Variants in SLC11A2 observed in about 807,000 individuals in gnomAD.
SLC11A2 encodes natural resistance-associated macrophage protein 2.
Under a neutral mutation model 68.0 loss-of-function variants are expected in SLC11A2, and 38 were observed. That is an observed-to-expected ratio of 0.56 (90% CI 0.43 to 0.73). The LOEUF (loss-of-function observed/expected upper bound fraction) is 0.73. Among genes scored for constraint, SLC11A2 ranks in the 30% least tolerant of loss-of-function variants. The pLI is 0.00. For synonymous variants in SLC11A2, 242 were observed against 250.6 expected (o/e 0.97, Z 0.32); for missense variants, 517 against 690.5 (o/e 0.75, Z 2.82).
chr12:51,008,311 GT>G, intron 3 of SLC11A2, 164 bp downstream of exon 3: 1 of 600,416 alleles, frequency 1.7e-6, no homozygotes, highest in Non-Finnish European at 3.0e-6. Context: ...GGGTGTGTGT[GT>G]GTGTGTGTGT....
the SLC11A2 span, among the ~76,000 whole-genome samples, chr12:50,963,509 C>G: frequency 2.0e-5 from 3 of 152,086 alleles, no homozygotes; most frequent in Non-Finnish European, 2.9e-5. Context: ...CTCCAAGCCT[C>G]CACATTCACT....
downstream of SLC11A2, among the ~76,000 whole-genome samples, chr12:50,984,912 A>G (rs1229611110): frequency 6.6e-6 from 1 of 152,168 alleles, no homozygotes; most frequent in Non-Finnish European, 1.5e-5. Flanking sequence ...TATACTATAT[A>G]TTACACAGGA....
rs1419140880 is a variant in SLC11A2 at position 50,988,259 on chromosome 12, C to A, written c.*66G>T. Reference sequence around the variant, plus strand: ...AACGGCACATACTTTTGGCTATGTTCACACAGTAAACCATAGAAACACACT... The same window carrying A: ...AACGGCACATACTTTTGGCTATGTTAACACAGTAAACCATAGAAACACACT... On this transcript the variant is annotated 3_prime_UTR_variant, in exon 16 of 16. Transcript: ENST00000262052. The A allele has an allele frequency of 6.2e-7, 1 of 1,610,966 alleles. No homozygotes were observed. The highest frequency in any genetic ancestry group is 2.2e-5 in the East Asian group (1 of 44,732).
the SLC11A2 span, among the ~76,000 whole-genome samples, chr12:50,963,968 CT>C: frequency 6.6e-6 from 1 of 152,130 alleles, no homozygotes; most frequent in Admixed American, 6.5e-5. Context: ...CAAAAGCATG[CT>C]AGTTATCTCC....
chr12:50,985,729 A>T (rs1940479441), downstream of SLC11A2, among the ~76,000 whole-genome samples: 1 of 152,218 alleles, frequency 6.6e-6, no homozygotes, highest in South Asian at 2.1e-4. Context: ...TCAACATGGT[A>T]ATGATGTGAC....
At chr12:50,962,933 T>A in the SLC11A2 span, among the ~76,000 whole-genome samples, 2 of 151,988 alleles carry the variant, frequency 1.3e-5, no homozygotes, top group East Asian at 3.9e-4. Flanking sequence ...GGCGAATCAG[T>A]GTTTGAGGAG....
chr12:51,006,997 C>T (rs1267553640), intron 3 of SLC11A2, among the ~76,000 whole-genome samples: 1 of 152,162 alleles, frequency 6.6e-6, no homozygotes, highest in Non-Finnish European at 1.5e-5. Context: ...ATCCACCCGC[C>T]TCAGCCTCCC....
At chr12:51,027,850 G>A (rs1592478226), upstream of SLC11A2, among the ~76,000 whole-genome samples, 2 of 145,042 alleles carry the variant, frequency 1.4e-5, no homozygotes, top group African/African-American at 2.5e-5. Context: ...GGAAAGGAGC[G>A]TGAACTGCAA....
At chr12:51,011,977 G>C (rs757388713) in intron 1 of SLC11A2, among the ~76,000 whole-genome samples, 3 of 152,154 alleles carry the variant, frequency 2.0e-5, no homozygotes, top group Non-Finnish European at 2.9e-5. Context: ...CAAGCATACT[G>C]GTAGTGGAAG....
chr12:50,998,539 C>T (rs769465242), intron 8 of SLC11A2, among the ~76,000 whole-genome samples: 1 of 152,104 alleles, frequency 6.6e-6, no homozygotes, highest in Non-Finnish European at 1.5e-5. Flanking sequence ...TACTCTTCCC[C>T]GGTTCAGTAT....
chr12:51,007,587 G>A (rs1004400416), intron 3 of SLC11A2, among the ~76,000 whole-genome samples: 14 of 151,764 alleles, frequency 9.2e-5, no homozygotes, highest in African/African-American at 2.2e-4. Context: ...TGCCCATCTC[G>A]GCCTCCCAAA....
chr12:51,023,600 C>T (rs1944186675), intron 1 of SLC11A2, among the ~76,000 whole-genome samples: 1 of 152,064 alleles, frequency 6.6e-6, no homozygotes, highest in Admixed American at 6.6e-5. Context: ...ATAATAATGA[C>T]AATATTAGGG....
downstream of SLC11A2, among the ~76,000 whole-genome samples, chr12:50,982,363 C>T (rs1030262961): frequency 2.0e-5 from 3 of 152,096 alleles, no homozygotes; most frequent in Non-Finnish European, 1.5e-5. Context: ...CGGTGGCTCA[C>T]GCCTGTAAAC....
intron 8 of SLC11A2, among the ~76,000 whole-genome samples, chr12:50,997,307 G>A (rs1941788696): frequency 6.6e-6 from 1 of 152,106 alleles, no homozygotes; most frequent in Non-Finnish European, 1.5e-5. Flanking sequence ...AGCAACATAA[G>A]GGGCTTACTA....
intron 10 of SLC11A2, 107 bp downstream of exon 10, chr12:50,995,522 T>C: frequency 4.3e-6 from 5 of 1,174,008 alleles, no homozygotes; most frequent in Non-Finnish European, 6.4e-6. Flanking sequence ...CTAGAGATTA[T>C]TTCTCCTGAA....
the SLC11A2 span, chr12:50,953,787 AT>A: frequency 1.6e-5 from 8 of 506,254 alleles, no homozygotes; most frequent in South Asian, 2.5e-5. Flanking sequence ...TCCTCTATGT[AT>A]TTTTTTCTTA....
chr12:51,010,588 A>C, intron 2 of SLC11A2, 107 bp downstream of exon 2: 1 of 710,982 alleles, frequency 1.4e-6, no homozygotes. Context: ...AGTTGTTAGA[A>C]TAGATGATGA....
intron 13 of SLC11A2, 126 bp downstream of exon 13, chr12:50,992,064 C>T (rs1230197789): frequency 6.2e-6 from 6 of 963,024 alleles, no homozygotes; most frequent in Non-Finnish European, 9.9e-6. Context: ...ACATTTACTG[C>T]AGACCACAAC....
At chr12:50,954,211 C>A in the SLC11A2 span, 3 of 633,862 alleles carry the variant, frequency 4.7e-6, no homozygotes, top group East Asian at 8.0e-5. Context: ...TTGAAGCTAA[C>A]CTCCTCTAAG....
Sources: allele counts gnomAD v4.1 joint callset (sites outside exome capture counted in the v4.1 genomes callset), GRCh38; gene constraint gnomAD v4.1.1; transcripts MANE v1.5; gene names NCBI Gene and HGNC (gene_info 2026-07-23, HGNC 2026-07-21).